SPPL3: variants seen among roughly 807,000 people sequenced by gnomAD.
SPPL3 encodes signal peptide peptidase-like 3.
SPPL3 carries 5 observed loss-of-function variants against 42.4 expected under a neutral mutation model. The ratio of observed to expected loss-of-function variants is 0.12; its 90% CI spans 0.06 to 0.25. The LOEUF (loss-of-function observed/expected upper bound fraction) is 0.25, where lower values mean the gene tolerates loss of function less well. SPPL3 is among the 10% of genes least tolerant of loss of function. The pLI is 1.00. For missense variants in SPPL3, 235 were observed against 489.0 expected, an observed-to-expected ratio of 0.48 and a Z score of 4.90; for synonymous variants, 195 against 181.8, an observed-to-expected ratio of 1.07 and a Z score of -0.58.
chr12:120,791,738 T>A (rs1194895130), intron 2 of SPPL3, 181 bp from the exon 3 acceptor site: 1 of 530,600 alleles, frequency 1.9e-6, no homozygotes, highest in Non-Finnish European at 3.3e-6. Context: ...ATGTGTCAGT[T>A]CAAGAGTTTT....
At chr12:120,783,008 G>A (rs561747098) in intron 5 of SPPL3, among the ~76,000 whole-genome samples, 21 of 152,274 alleles carry the variant, frequency 1.4e-4, no homozygotes, top group African/African-American at 4.8e-4. Context: ...AGTTTGAAGT[G>A]ATAATATTAA....
chr12:120,891,139 C>T (rs1201433013), intron 1 of SPPL3, among the ~76,000 whole-genome samples: 1 of 152,186 alleles, frequency 6.6e-6, no homozygotes, highest in Non-Finnish European at 1.5e-5. Context: ...CACATTTCTT[C>T]CCTACTTCTA....
chr12:120,810,139 T>C (rs1870638138), intron 2 of SPPL3, among the ~76,000 whole-genome samples: 1 of 152,134 alleles, frequency 6.6e-6, no homozygotes, highest in Admixed American at 6.6e-5. Flanking sequence ...CATGCCTGGC[T>C]AACTTCTTTA....
At chr12:120,868,353 A>C (rs1872819882) in intron 1 of SPPL3, among the ~76,000 whole-genome samples, 1 of 152,222 alleles carries the variant, frequency 6.6e-6, no homozygotes, top group South Asian at 2.1e-4. Flanking sequence ...GTTAATACAA[A>C]AGCAATACAG....
At chr12:120,898,810 A>G (rs1175791609) in intron 1 of SPPL3, among the ~76,000 whole-genome samples, 2 of 152,230 alleles carry the variant, frequency 1.3e-5, no homozygotes, top group Non-Finnish European at 2.9e-5. Flanking sequence ...TTACTTAGCA[A>G]TGCTCGTAAA....
Position 120,804,101 on chromosome 12 carries a change from TAAATG to T in SPPL3, c.101+6703_101+6707del, listed in dbSNP as rs1869164343. Among the ~76,000 whole-genome samples the T allele has an allele frequency of 2.6e-5, 4 of 152,280 alleles. No homozygotes were observed. In the South Asian group the frequency reaches 6.2e-4, roughly 24 times the overall value. ...TTCCTAGAGTAGGTTTGGGTATACG[TAAATG>T]AACTGCCCTCATTACCTAAGAAAGC... On this transcript the variant is annotated intron_variant, in intron 2 of 10. Coordinates refer to ENST00000353487, the MANE Select transcript of SPPL3 (RefSeq NM_139015.5).
At position 120,777,717 on chromosome 12, in the gene SPPL3, T is replaced by C. The variant is rs566830356; in HGVS notation, c.502+4938A>G. On this transcript the variant is annotated intron_variant, in intron 6 of 10. Transcript: ENST00000353487. ...AGCTACTGAAAGCACTAATTAATAC[T>C]TGATTTGGGAAATCAGGTCTGGTAG... Among the ~76,000 whole-genome samples, 5 of 152,350 alleles carry C rather than the reference T, an allele frequency of 3.3e-5. No homozygotes were observed. The East Asian group carries it at 7.7e-4, about 23-fold the overall frequency.
intron 1 of SPPL3, among the ~76,000 whole-genome samples, chr12:120,852,879 C>CATATAATATATACATATTATATATGAA (rs1872304156): frequency 2.2e-4 from 2 of 9,066 alleles, no homozygotes; most frequent in Admixed American, 2.2e-3. Context: ...ATATACATAT[C>CATATAATATATACATATTATATATGAA]ATATATATTT....
At chr12:120,896,668 A>G (rs1298967894) in intron 1 of SPPL3, among the ~76,000 whole-genome samples, 3 of 152,086 alleles carry the variant, frequency 2.0e-5, no homozygotes, top group Non-Finnish European at 4.4e-5. Context: ...AATCCCAGAT[A>G]CTTGGGAGGC....
At chr12:120,874,681 A>T (rs1873029598) in intron 1 of SPPL3, among the ~76,000 whole-genome samples, 2 of 151,968 alleles carry the variant, frequency 1.3e-5, no homozygotes, top group African/African-American at 4.8e-5. Flanking sequence ...TCGATGTCAC[A>T]CTGGAAGCAG....
At chr12:120,868,082 A>C (rs546848913) in intron 1 of SPPL3, among the ~76,000 whole-genome samples, 2 of 152,242 alleles carry the variant, frequency 1.3e-5, no homozygotes, top group South Asian at 4.1e-4. Flanking sequence ...CAGGCAACAC[A>C]GTGAGACCTC....
chr12:120,850,880 CCACT>C (rs1872200892), intron 1 of SPPL3, among the ~76,000 whole-genome samples: 1 of 152,186 alleles, frequency 6.6e-6, no homozygotes, highest in African/African-American at 2.4e-5. Context: ...AAATCTGCTA[CCACT>C]CACTCTGGTG....
intron 1 of SPPL3, among the ~76,000 whole-genome samples, chr12:120,891,575 A>G (rs907216344): frequency 1.3e-5 from 2 of 152,180 alleles, no homozygotes; most frequent in African/African-American, 4.8e-5. Context: ...GCGTAATACA[A>G]AGACTATGAA....
chr12:120,790,257 C>G (rs1329141349), intron 3 of SPPL3, among the ~76,000 whole-genome samples: 1 of 152,238 alleles, frequency 6.6e-6, no homozygotes, highest in Non-Finnish European at 1.5e-5. Flanking sequence ...AATGAGTCGA[C>G]TTACCGTCTT....
chr12:120,771,398 C>T (rs571025940), intron 6 of SPPL3, among the ~76,000 whole-genome samples: 62 of 152,340 alleles, frequency 4.1e-4, no homozygotes, highest in Admixed American at 6.5e-4. Context: ...ACGATCTCCT[C>T]CCAGAACCCA....
At chr12:120,903,761 T>A in intron 1 of SPPL3, 84 bp downstream of exon 1, 2 of 841,034 alleles carry the variant, frequency 2.4e-6, no homozygotes, top group Admixed American at 6.9e-5. Flanking sequence ...CACCTGTTCT[T>A]CCTCCTCTTC....
Position 120,763,269 on chromosome 12 carries a change from A to T in SPPL3, c.*1730T>A, listed in dbSNP as rs1868737748. 1 of 152,322 alleles carries T rather than the reference A, an allele frequency of 6.6e-6. No homozygotes were observed. The highest frequency in any genetic ancestry group is 1.5e-5 in the Non-Finnish European group (1 of 68,046). The allele number at this position is 152,322 out of a possible 1,614,324, so 9.4% of individuals were successfully genotyped here. The stretch of plus-strand genomic sequence containing the variant: ...ATTTATTAAAAACAAAACCCCAGAA[A>T]CCCCTCAGCAGGAATTGATGACAAC... On this transcript the variant is annotated 3_prime_UTR_variant, in exon 11 of 11. Transcript: ENST00000353487.
intron 1 of SPPL3, among the ~76,000 whole-genome samples, chr12:120,830,663 T>C (rs991031220): frequency 6.8e-6 from 1 of 147,618 alleles, no homozygotes; most frequent in Non-Finnish European, 1.5e-5. Flanking sequence ...AGTTCTAAGC[T>C]TCCAGTCTGG....
At chr12:120,765,123 G>GCTGT in intron 10 of SPPL3, 53 bp from the exon 11 acceptor site, 2 of 1,568,074 alleles carry the variant, frequency 1.3e-6, no homozygotes, top group Non-Finnish European at 1.7e-6. Flanking sequence ...GGCACACACA[G>GCTGT]CTGTCTGATT....
Sources: gnomAD v4.1 joint callset for allele counts (sites outside exome capture counted in the v4.1 genomes callset) on GRCh38, gnomAD v4.1.1 for gene constraint, MANE v1.5 for transcripts, NCBI Gene and HGNC (gene_info 2026-07-23, HGNC 2026-07-21) for gene names.